Variants in ZNRF3 observed in about 807,000 individuals in gnomAD.
ZNRF3 encodes the protein zinc and ring finger 3, also known as E3 ubiquitin-protein ligase ZNRF3.
Under a neutral mutation model 72.5 loss-of-function variants are expected in ZNRF3, and 23 were observed. That is an observed-to-expected ratio of 0.32 (90% CI 0.23 to 0.45). The LOEUF is 0.45. Ranked by LOEUF, ZNRF3 falls within the 20% of genes least tolerant of loss-of-function variation. The pLI is 1.00. For synonymous variants in ZNRF3, 610 were observed against 545.3 expected (o/e 1.12, Z -1.65); for missense variants, 1,169 against 1,272.1 (o/e 0.92, Z 1.23).
intron 2 of ZNRF3, among the ~76,000 whole-genome samples, chr22:28,992,102 A>G (rs574407797): frequency 5.1e-4 from 78 of 152,198 alleles, no homozygotes; most frequent in African/African-American, 1.8e-3. Flanking sequence ...ACAGTGAGCC[A>G]TGATCATGCC....
chr22:28,925,552 T>G (rs141774559), intron 1 of ZNRF3, among the ~76,000 whole-genome samples: 1,760 of 152,258 alleles, frequency 0.012, 20 homozygotes, highest in Middle Eastern at 0.044. Context: ...CCATCTTCTG[T>G]AAAAGCACCC....
At chr22:29,039,980 A>G (rs145128147) in intron 2 of ZNRF3, among the ~76,000 whole-genome samples, 1,991 of 152,120 alleles carry the variant, frequency 0.013, 18 homozygotes, top group Non-Finnish European at 0.021. Context: ...AGATAGCTCT[A>G]TGGTGGAGGA....
intron 2 of ZNRF3, among the ~76,000 whole-genome samples, chr22:28,990,642 C>T (rs2035936086): frequency 6.6e-6 from 1 of 152,072 alleles, no homozygotes; most frequent in Non-Finnish European, 1.5e-5. Flanking sequence ...CACCACTGTA[C>T]TCTAGGCTGG....
intron 2 of ZNRF3, among the ~76,000 whole-genome samples, chr22:29,016,977 C>T (rs748720372): frequency 6.6e-6 from 1 of 152,224 alleles, no homozygotes; most frequent in Non-Finnish European, 1.5e-5. Context: ...GACAGCTATT[C>T]TTTGCCCCCA....
At chr22:29,047,854 C>T (rs2037103561) in intron 6 of ZNRF3, among the ~76,000 whole-genome samples, 1 of 152,226 alleles carries the variant, frequency 6.6e-6, no homozygotes, top group Non-Finnish European at 1.5e-5. Context: ...TTATAAACCA[C>T]ACACCCCATG....
chr22:29,052,618 G>A (rs1204215348), intron 8 of ZNRF3, among the ~76,000 whole-genome samples: 2 of 151,782 alleles, frequency 1.3e-5, no homozygotes, highest in Non-Finnish European at 2.9e-5. Context: ...GCTTGAACCC[G>A]GGACGCCGTT....
chr22:28,894,947 GC>G (rs1049750853), intron 1 of ZNRF3, among the ~76,000 whole-genome samples: 1 of 152,058 alleles, frequency 6.6e-6, no homozygotes, highest in African/African-American at 2.4e-5. Flanking sequence ...AGTGGCAGCT[GC>G]CCCCCTTCAG....
chr22:28,892,067 G>A (rs1478023037), intron 1 of ZNRF3, among the ~76,000 whole-genome samples: 2 of 152,228 alleles, frequency 1.3e-5, no homozygotes, highest in Non-Finnish European at 2.9e-5. Flanking sequence ...TTGGGAGTCT[G>A]CATGTCTTTC....
At chr22:28,948,100 C>T (rs1379952641) in intron 1 of ZNRF3, among the ~76,000 whole-genome samples, 3 of 152,140 alleles carry the variant, frequency 2.0e-5, no homozygotes. Flanking sequence ...ACCTTGGCCT[C>T]CCAAAGTGCT....
Position 28,994,176 on chromosome 22 carries a change from C to CTTTTTTTTTTT in ZNRF3, c.426+6992_426+7002dup, listed in dbSNP as rs57329565. Among the ~76,000 whole-genome samples the CTTTTTTTTTTT allele has an allele frequency of 3.5e-3, 138 of 39,806 alleles. 18 individuals carry two copies. The highest frequency in any genetic ancestry group is 9.6e-3 in the African/African-American group (86 of 8,974). The allele number at this position is 39,806 out of a possible 152,430, so 26.1% of individuals were successfully genotyped here. A position where few individuals can be genotyped will look rare whatever the true frequency, so the allele number is the denominator to read the frequency against. ...TCCTTTATTGTCCTTCAGTTCCTTT[C>CTTTTTTTTTTT]TTTTTTTTTTTTTTTTTTTTTTTTT... On this transcript the variant is annotated intron_variant, in intron 2 of 8. Transcript: ENST00000544604.
intron 2 of ZNRF3, among the ~76,000 whole-genome samples, chr22:29,023,058 A>C (rs1450750155): frequency 6.6e-6 from 1 of 152,164 alleles, no homozygotes; most frequent in Non-Finnish European, 1.5e-5. Context: ...CTTTCCTTAA[A>C]TGCTTGGCTT....
At chr22:28,901,114 AAAATAAAT>A (rs926821444) in intron 1 of ZNRF3, among the ~76,000 whole-genome samples, 1 of 152,114 alleles carries the variant, frequency 6.6e-6, no homozygotes. Flanking sequence ...TGTCTCTACA[AAAATAAAT>A]AAATAAATAA....
chr22:28,913,766 A>G (rs1365377506), intron 1 of ZNRF3, among the ~76,000 whole-genome samples: 1 of 152,168 alleles, frequency 6.6e-6, no homozygotes, highest in Non-Finnish European at 1.5e-5. Context: ...CCAAGTAGGT[A>G]TGAAATAATG....
chr22:29,026,739 A>G (rs1000568634), intron 2 of ZNRF3: 15 of 152,180 alleles, frequency 9.9e-5, no homozygotes, highest in Non-Finnish European at 1.5e-5. Flanking sequence ...TCCACCCAGC[A>G]TTTTTGTGCC....
At chr22:29,012,654 C>T (rs1353988437) in intron 2 of ZNRF3, among the ~76,000 whole-genome samples, 2 of 152,184 alleles carry the variant, frequency 1.3e-5, no homozygotes, top group Non-Finnish European at 2.9e-5. Flanking sequence ...GGGCCCCCAT[C>T]GAGGGCCGTT....
chr22:28,914,543 G>A (rs924298344), intron 1 of ZNRF3, among the ~76,000 whole-genome samples: 7 of 146,750 alleles, frequency 4.8e-5, no homozygotes, highest in East Asian at 2.0e-4. Context: ...GGCCGGGCAC[G>A]GTGGCTCACG....
chr22:28,887,864 A>G (rs1188992973), intron 1 of ZNRF3, among the ~76,000 whole-genome samples: 1 of 152,256 alleles, frequency 6.6e-6, no homozygotes, highest in Non-Finnish European at 1.5e-5. Context: ...GGTGATGTTA[A>G]ATAAAGGCCC....
At chr22:28,932,522 G>A (rs1160808544) in intron 1 of ZNRF3, among the ~76,000 whole-genome samples, 1 of 152,138 alleles carries the variant, frequency 6.6e-6, no homozygotes, top group Non-Finnish European at 1.5e-5. Context: ...TAGCCACCTA[G>A]CAACATTGGG....
chr22:29,046,952 TAGA>T lies in ZNRF3; in HGVS notation c.912+72_912+74del. ...CAGGTCAGCAGAGGTGCCCAAGACC[TAGA>T]AGGACAGGGCCCTGTGTTCCATCAC... On this transcript the variant is annotated intron_variant, in intron 6 of 8. Coordinates refer to ENST00000544604, the MANE Select transcript of ZNRF3 (RefSeq NM_001206998.2). 4 of 1,382,400 alleles carry T rather than the reference TAGA, an allele frequency of 2.9e-6. No individual in the cohort carries two copies. In the South Asian group the frequency reaches 7.8e-5, roughly 27 times the overall value. The allele number at this position is 1,382,400 out of a possible 1,614,324, so 85.6% of individuals were successfully genotyped here. A position where few individuals can be genotyped will look rare whatever the true frequency, so the allele number is the denominator to read the frequency against.
Sources: gnomAD v4.1 joint callset for allele counts (sites outside exome capture counted in the v4.1 genomes callset) on GRCh38, gnomAD v4.1.1 for gene constraint, MANE v1.5 for transcripts, NCBI Gene and HGNC (gene_info 2026-07-23, HGNC 2026-07-21) for gene names.